Variants in DOK6 observed in about 807,000 individuals in gnomAD.
DOK6 encodes docking protein 6.
DOK6 carries 22 observed loss-of-function variants against 44.0 expected under a neutral mutation model. That is an observed-to-expected ratio of 0.50 (90% confidence interval 0.36 to 0.71). The LOEUF (loss-of-function observed/expected upper bound fraction) is 0.71. Among genes scored for constraint, DOK6 ranks in the 30% least tolerant of loss-of-function variants. DOK6 has a pLI of 0.00. For missense variants in DOK6, 340 were observed against 416.4 expected, an observed-to-expected ratio of 0.82 and a Z score of 1.60; for synonymous variants, 166 against 145.5, an observed-to-expected ratio of 1.14 and a Z score of -1.01.
intron 7 of DOK6, among the ~76,000 whole-genome samples, chr18:69,803,469 A>G (rs998067258): frequency 3.3e-5 from 5 of 152,242 alleles, no homozygotes; most frequent in African/African-American, 4.8e-5. Context: ...TGCACCAAGC[A>G]GGAAATAAGA....
At position 69,846,759 on chromosome 18, in the gene DOK6, ATTAT is replaced by A. The variant is rs1982352782; in HGVS notation, c.*5381_*5384del. 1 of 152,128 alleles carries A rather than the reference ATTAT, an allele frequency of 6.6e-6. No homozygotes were observed. Among genetic ancestry groups the A allele is most frequent in the Non-Finnish European group, 1.5e-5 (1 of 68,008 alleles). 9.4% of individuals were successfully genotyped at this position (152,128 alleles called of 1,614,324 possible). A position where few individuals can be genotyped will look rare whatever the true frequency, so the allele number is the denominator to read the frequency against. On this transcript the variant is annotated 3_prime_UTR_variant, in exon 8 of 8. Coordinates refer to ENST00000382713, the MANE Select transcript of DOK6 (RefSeq NM_152721.6). ...TCACTTTCTAGCACTTTACGGTGTC[ATTAT>A]TTATGGCATTTTTAACAACTTTGTT... is the stretch of plus-strand genomic sequence containing the variant.
chr18:69,404,749 T>C (rs1297069955), intron 1 of DOK6, among the ~76,000 whole-genome samples: 1 of 151,846 alleles, frequency 6.6e-6, no homozygotes, highest in Non-Finnish European at 1.5e-5. Context: ...TTGGTGTTGA[T>C]ATGTGTGGGT....
At chr18:69,501,579 G>A (rs1211407150) in intron 1 of DOK6, among the ~76,000 whole-genome samples, 1 of 152,018 alleles carries the variant, frequency 6.6e-6, no homozygotes, top group African/African-American at 2.4e-5. Context: ...TCAGGGGAGT[G>A]GTGTTTAGTA....
intron 1 of DOK6, among the ~76,000 whole-genome samples, chr18:69,441,817 G>A (rs1979144742): frequency 6.6e-6 from 1 of 152,136 alleles, no homozygotes; most frequent in South Asian, 2.1e-4. Flanking sequence ...AGTGGTACAG[G>A]TAGAACACCG....
intron 1 of DOK6, among the ~76,000 whole-genome samples, chr18:69,514,530 G>A (rs1235700093): frequency 6.6e-6 from 1 of 151,610 alleles, no homozygotes; most frequent in African/African-American, 2.4e-5. Context: ...GATTCATATA[G>A]GAACTTTAAA....
intron 5 of DOK6, among the ~76,000 whole-genome samples, chr18:69,725,466 T>C (rs1442172534): frequency 6.6e-6 from 1 of 152,184 alleles, no homozygotes; most frequent in Non-Finnish European, 1.5e-5. Flanking sequence ...AAAAAGTGTG[T>C]TCATTTTTAT....
intron 7 of DOK6, among the ~76,000 whole-genome samples, chr18:69,835,074 C>T (rs1982005573): frequency 6.6e-6 from 1 of 152,194 alleles, no homozygotes; most frequent in South Asian, 2.1e-4. Flanking sequence ...ACCCCATAAT[C>T]CAGTCACCTC....
At chr18:69,723,866 G>A (rs1320337400) in intron 5 of DOK6, among the ~76,000 whole-genome samples, 4 of 152,160 alleles carry the variant, frequency 2.6e-5, no homozygotes, top group South Asian at 2.1e-4. Flanking sequence ...CAGGGCCTTC[G>A]ATTCCACTCA....
intron 7 of DOK6, among the ~76,000 whole-genome samples, chr18:69,813,109 C>T (rs903235948): frequency 6.6e-6 from 1 of 152,174 alleles, no homozygotes; most frequent in Non-Finnish European, 1.5e-5. Flanking sequence ...CAAGACTCTA[C>T]TTCATGCCTA....
At chr18:69,744,787 G>A (rs1474438244) in intron 6 of DOK6, among the ~76,000 whole-genome samples, 2 of 151,936 alleles carry the variant, frequency 1.3e-5, no homozygotes, top group African/African-American at 2.4e-5. Flanking sequence ...TTAGCTGGGC[G>A]TGGTGACGGG....
intron 5 of DOK6, among the ~76,000 whole-genome samples, chr18:69,730,622 T>C (rs1249242398): frequency 6.6e-6 from 1 of 151,896 alleles, no homozygotes; most frequent in Admixed American, 6.5e-5. Flanking sequence ...TTTTAAGAAA[T>C]ACAATCTAAT....
chr18:69,451,112 T>C (rs1189382132), intron 1 of DOK6, among the ~76,000 whole-genome samples: 1 of 149,372 alleles, frequency 6.7e-6, no homozygotes, highest in Admixed American at 6.7e-5. Context: ...AGACACAGAC[T>C]GGCAAGTCGG....
intron 1 of DOK6, among the ~76,000 whole-genome samples, chr18:69,551,017 A>C (rs1599187222): frequency 1.3e-5 from 2 of 151,014 alleles, no homozygotes; most frequent in South Asian, 4.2e-4. Context: ...TTTTAATCTT[A>C]ACTTATTTAC....
intron 5 of DOK6, among the ~76,000 whole-genome samples, chr18:69,722,218 T>C (rs1205282464): frequency 6.6e-6 from 1 of 152,244 alleles, no homozygotes; most frequent in African/African-American, 2.4e-5. Context: ...CTAATACTAT[T>C]CGCATTTACA....
At chr18:69,613,242 G>A (rs1041415002) in intron 3 of DOK6, among the ~76,000 whole-genome samples, 2 of 152,078 alleles carry the variant, frequency 1.3e-5, no homozygotes, top group Non-Finnish European at 2.9e-5. Flanking sequence ...AACAACCAGC[G>A]TGCTGCGTAT....
chr18:69,595,992 G>T (rs1441479876), intron 2 of DOK6, among the ~76,000 whole-genome samples: 1 of 152,086 alleles, frequency 6.6e-6, no homozygotes, highest in Non-Finnish European at 1.5e-5. Flanking sequence ...ATTTTCAACC[G>T]GGTGTGGAAA....
chr18:69,794,834 T>G (rs151106996), intron 7 of DOK6, among the ~76,000 whole-genome samples: 18 of 152,194 alleles, frequency 1.2e-4, no homozygotes, highest in African/African-American at 1.7e-4. Flanking sequence ...AACCCTATTG[T>G]GAACTGCGCA....
chr18:69,410,114 A>G (rs1978299844), intron 1 of DOK6, among the ~76,000 whole-genome samples: 1 of 152,258 alleles, frequency 6.6e-6, no homozygotes, highest in African/African-American at 2.4e-5. Context: ...GAAATATACT[A>G]TTCTAGACAT....
rs57753226 is a variant in DOK6, at chr18:69,809,565, G to GACACACACAC, written c.857-31657_857-31648dup. Among the ~76,000 whole-genome samples, 1,071 of 146,204 alleles carry GACACACACAC rather than the reference G, an allele frequency of 7.3e-3. 9 individuals carry two copies. Among genetic ancestry groups the GACACACACAC allele is most frequent in the South Asian group, 0.017 (77 of 4,626 alleles). On this transcript the variant is annotated intron_variant, in intron 7 of 7. Coordinates refer to ENST00000382713, the MANE Select transcript of DOK6 (RefSeq NM_152721.6). ...AAAACCCTAAGACTTCACACACACA[G>GACACACACAC]ACACACACACACACACACACACACA...
Sources: gnomAD v4.1 joint callset for allele counts (sites outside exome capture counted in the v4.1 genomes callset) on GRCh38, gnomAD v4.1.1 for gene constraint, MANE v1.5 for transcripts, NCBI Gene and HGNC (gene_info 2026-07-23, HGNC 2026-07-21) for gene names.